CARF: variants seen among roughly 807,000 people sequenced by gnomAD.
CARF encodes calcium responsive transcription factor.
A neutral mutation model predicts 82.0 loss-of-function variants in CARF; 57 were observed. The ratio of observed to expected loss-of-function variants is 0.70; its 90% CI spans 0.56 to 0.87. The LOEUF (loss-of-function observed/expected upper bound fraction) is 0.87, where lower values mean the gene tolerates loss of function less well. CARF is among the 40% of genes least tolerant of loss of function. The pLI is 0.00. For missense variants in CARF, 771 were observed against 855.8 expected, an observed-to-expected ratio of 0.90 and a Z score of 1.24; for synonymous variants, 268 against 290.1, an observed-to-expected ratio of 0.92 and a Z score of 0.77.
At chr2:202,920,939 A>G (rs1052632988) in intron 2 of CARF, among the ~76,000 whole-genome samples, 2 of 152,204 alleles carry the variant, frequency 1.3e-5, no homozygotes, top group African/African-American at 4.8e-5. Flanking sequence ...TCAGTCAATA[A>G]ATAATAGTTA....
chr2:202,986,387 G>GT lies in CARF; in HGVS notation c.*2766dup, dbSNP rs1287926914. ...CTTTCTCTAACAGCTCTACAGCAAA[G>GT]TTTGACATGTTTTTTGTGTGTGTCA... On this transcript the variant is annotated 3_prime_UTR_variant, in exon 17 of 17. Coordinates refer to ENST00000438828, the MANE Select transcript of CARF (RefSeq NM_024744.17). 1 of 152,050 alleles carries GT rather than the reference G, an allele frequency of 6.6e-6. No individual in the cohort carries two copies. Among genetic ancestry groups the GT allele is most frequent in the Non-Finnish European group, 1.5e-5 (1 of 67,948 alleles). 9.4% of individuals were successfully genotyped at this position (152,050 alleles called of 1,614,324 possible).
At position 202,971,749 on chromosome 2, in the gene CARF, A is replaced by G; in HGVS notation, c.1331+11A>G. 3 of 1,578,560 alleles carry G rather than the reference A, an allele frequency of 1.9e-6. No homozygotes were observed. The highest frequency in any genetic ancestry group is 2.6e-6 in the Non-Finnish European group (3 of 1,148,640). On this transcript the variant is annotated intron_variant, in intron 12 of 16. Coordinates refer to ENST00000438828, the MANE Select transcript of CARF (RefSeq NM_024744.17). Reference sequence around the variant, plus strand: ...AAGGAAACAGCTAAGGTACAATAGAAGAGCATTGTTCTTTTACATTTTTCA... The same window carrying G: ...AAGGAAACAGCTAAGGTACAATAGAGGAGCATTGTTCTTTTACATTTTTCA...
chr2:202,946,106 G>T (rs1442540925), intron 5 of CARF, among the ~76,000 whole-genome samples: 1 of 151,930 alleles, frequency 6.6e-6, no homozygotes, highest in Non-Finnish European at 1.5e-5. Context: ...CTGCATGTAT[G>T]TCTTCTTTTT....
At chr2:202,937,614 T>C (rs1694158244) in intron 3 of CARF, among the ~76,000 whole-genome samples, 1 of 152,072 alleles carries the variant, frequency 6.6e-6, no homozygotes, top group South Asian at 2.1e-4. Flanking sequence ...TTCCTTTTTT[T>C]TGTTATTTGT....
intron 8 of CARF, among the ~76,000 whole-genome samples, chr2:202,955,959 A>C (rs1341210346): frequency 2.0e-5 from 3 of 152,198 alleles, no homozygotes; most frequent in African/African-American, 7.2e-5. Flanking sequence ...ATATCTCTTT[A>C]CATTTCACTA....
At chr2:202,936,383 A>G (rs1320528682) in intron 3 of CARF, among the ~76,000 whole-genome samples, 1 of 152,220 alleles carries the variant, frequency 6.6e-6, no homozygotes, top group African/African-American at 2.4e-5. Context: ...TAGAGCTTCA[A>G]AACATCTTCA....
chr2:202,932,918 G>T (rs957637635), intron 3 of CARF, among the ~76,000 whole-genome samples: 1 of 152,118 alleles, frequency 6.6e-6, no homozygotes, highest in Non-Finnish European at 1.5e-5. Context: ...GGGATGGGCA[G>T]CTGCTCAACT....
At position 202,983,974 on chromosome 2, in the gene CARF, C is replaced by G. The variant is rs2060362373; in HGVS notation, c.*350C>G. ...TTGGTTATTACAAAACAGAAAAGAA[C>G]AACAGCAACAAAAACATTGTGTGAA... On this transcript the variant is annotated 3_prime_UTR_variant, in exon 17 of 17. Coordinates refer to ENST00000438828, the MANE Select transcript of CARF (RefSeq NM_024744.17). 1 of 175,442 alleles carries G rather than the reference C, an allele frequency of 5.7e-6. No homozygotes were observed. Among genetic ancestry groups the G allele is most frequent in the East Asian group, 1.7e-4 (1 of 5,864 alleles). 10.9% of individuals were successfully genotyped at this position (175,442 alleles called of 1,614,324 possible).
chr2:202,913,388 C>G (rs1340113880), intron 1 of CARF, among the ~76,000 whole-genome samples: 4 of 152,196 alleles, frequency 2.6e-5, no homozygotes, highest in African/African-American at 9.7e-5. Context: ...TTGTGCCACA[C>G]TTTTATCAAC....
intron 5 of CARF, among the ~76,000 whole-genome samples, chr2:202,946,443 C>T (rs958560528): frequency 1.4e-4 from 21 of 152,086 alleles, no homozygotes; most frequent in Admixed American, 1.2e-3. Context: ...ACTGGCTAGC[C>T]GTATGCAGAA....
In CARF at chr2:202,955,694, T is replaced by C; in HGVS notation, c.578T>C (p.Leu193Pro). The change falls in exon 8 of 17, where the codon CTG (leucine) becomes CCG (proline). Residue 193 changes from leucine (L) to proline (P), a missense_variant. Physicochemically the swap from Leu to Pro is moderately conservative, Grantham distance 98 (BLOSUM62 -3). Transcript: ENST00000438828. ...SVTGMLEEPL[L>P]GPLQPLSSNT... ...CCCAGAATGCTGGAAGAACCCCTTC[T>C]GGGGCCTCTTCAGCCACTTTCTTCT... 1 of 1,609,024 alleles carries C rather than the reference T, an allele frequency of 6.2e-7. No individual in the cohort carries two copies. The highest frequency in any genetic ancestry group is 2.2e-5 in the East Asian group (1 of 44,624).
chr2:202,933,031 G>A (rs779338379), intron 3 of CARF, among the ~76,000 whole-genome samples: 4 of 152,160 alleles, frequency 2.6e-5, no homozygotes, highest in Non-Finnish European at 5.9e-5. Flanking sequence ...TGGAATGTGG[G>A]TAGTTGCTTC....
intron 2 of CARF, among the ~76,000 whole-genome samples, chr2:202,922,289 A>T (rs1690977049): frequency 1.3e-5 from 2 of 151,550 alleles, no homozygotes; most frequent in Non-Finnish European, 2.9e-5. Flanking sequence ...ATTTTTAAAA[A>T]TTTTTTTGTA....
At chr2:202,933,024 A>G (rs1022979302) in intron 3 of CARF, among the ~76,000 whole-genome samples, 1 of 152,026 alleles carries the variant, frequency 6.6e-6, no homozygotes, top group African/African-American at 2.4e-5. Context: ...CATTTCCTGG[A>G]ATGTGGGTAG....
intron 3 of CARF, chr2:202,925,314 G>A: frequency 2.9e-6 from 1 of 348,398 alleles, no homozygotes. Context: ...TCCTCATTCA[G>A]CTGTATGAAG....
chr2:202,934,057 T>A (rs567766583), intron 3 of CARF, among the ~76,000 whole-genome samples: 6 of 151,938 alleles, frequency 3.9e-5, no homozygotes, highest in East Asian at 3.9e-4. Context: ...TTAAAAAAAA[T>A]ATCAAAAAAA....
intron 5 of CARF, among the ~76,000 whole-genome samples, chr2:202,950,180 T>G (rs933887289): frequency 6.6e-6 from 1 of 152,182 alleles, no homozygotes; most frequent in African/African-American, 2.4e-5. Flanking sequence ...TGTAAATAGT[T>G]TTTTAGGTAC....
At position 202,917,210 on chromosome 2, in the gene CARF, C is replaced by CAAAAAAAAAA. The variant is rs71034203; in HGVS notation, c.-329-650_-329-641dup. Among the ~76,000 whole-genome samples, 87 of 47,002 alleles carry CAAAAAAAAAA rather than the reference C, an allele frequency of 1.9e-3. 15 individuals are homozygous for CAAAAAAAAAA. The highest frequency in any genetic ancestry group is 2.7e-3 in the Non-Finnish European group (78 of 29,054). 30.8% of individuals were successfully genotyped at this position (47,002 alleles called of 152,430 possible). A position where few individuals can be genotyped will look rare whatever the true frequency, so the allele number is the denominator to read the frequency against. On this transcript the variant is annotated intron_variant, in intron 1 of 16. Coordinates refer to ENST00000438828, the MANE Select transcript of CARF (RefSeq NM_024744.17). ...TGGGCGACAGAGCGAGACTCCGTCT[C>CAAAAAAAAAA]AAAAAAAAAAAAAAAAAAAAAAAAA...
chr2:202,953,755 C>T (rs1178260284), intron 6 of CARF, among the ~76,000 whole-genome samples: 1 of 151,900 alleles, frequency 6.6e-6, no homozygotes, highest in Non-Finnish European at 1.5e-5. Flanking sequence ...TCTTAATATA[C>T]AATTATTTCT....
Sources: gnomAD v4.1 joint callset for allele counts (sites outside exome capture counted in the v4.1 genomes callset) on GRCh38, gnomAD v4.1.1 for gene constraint, MANE v1.5 for transcripts, NCBI Gene and HGNC (gene_info 2026-07-23, HGNC 2026-07-21) for gene names.